PTPRD: variants seen among roughly 807,000 people sequenced by gnomAD.
PTPRD encodes protein tyrosine phosphatase receptor type D.
Under a neutral mutation model 214.5 loss-of-function variants are expected in PTPRD, and 34 were observed. That is an observed-to-expected ratio of 0.16 (90% confidence interval 0.12 to 0.21). The LOEUF (loss-of-function observed/expected upper bound fraction) is 0.21. PTPRD is among the 10% of genes least tolerant of loss of function. The pLI is 1.00. For synonymous variants in PTPRD, 1,128 were observed against 845.7 expected (o/e 1.33, Z -5.79); for missense variants, 2,545 against 2,398.7 (o/e 1.06, Z -1.27).
chr9:8,527,961 C>G lies in PTPRD; in HGVS notation c.542-608G>C, dbSNP rs146599642. On this transcript the variant is annotated intron_variant, in intron 15 of 45. Transcript: ENST00000381196. ...TTATTATCATAGTATTAATAAAAAT[C>G]CCCTCCTTTTACTGGTATTTTCTAA... Among the ~76,000 whole-genome samples the G allele has an allele frequency of 3.3e-3, 504 of 152,166 alleles. 3 individuals carry two copies. Among genetic ancestry groups the G allele is most frequent in the Middle Eastern group, 0.017 (5 of 294 alleles).
At chr9:9,270,582 A>G (rs1168726724) in intron 9 of PTPRD, among the ~76,000 whole-genome samples, 2 of 151,318 alleles carry the variant, frequency 1.3e-5, no homozygotes, top group Non-Finnish European at 3.0e-5. Flanking sequence ...GTTAGGAAAG[A>G]TCAGGTCAGG....
chr9:9,525,083 T>C (rs1393901493), intron 8 of PTPRD, among the ~76,000 whole-genome samples: 1 of 152,164 alleles, frequency 6.6e-6, no homozygotes, highest in Admixed American at 6.5e-5. Context: ...GGTCTCGATC[T>C]CTTGACCTCA....
chr9:10,012,326 G>GA (rs963362235), intron 4 of PTPRD, among the ~76,000 whole-genome samples: 1 of 150,810 alleles, frequency 6.6e-6, no homozygotes, highest in South Asian at 2.1e-4. Context: ...CAGACAAGAA[G>GA]AAAAAAAATT....
chr9:8,575,069 GA>G (rs1300041084), intron 14 of PTPRD, among the ~76,000 whole-genome samples: 1 of 152,036 alleles, frequency 6.6e-6, no homozygotes, highest in African/African-American at 2.4e-5. Flanking sequence ...AGGGTTTACA[GA>G]ACTGTCCTCG....
At chr9:9,664,037 T>G (rs1247167668) in intron 7 of PTPRD, among the ~76,000 whole-genome samples, 3 of 150,350 alleles carry the variant, frequency 2.0e-5, no homozygotes, top group Non-Finnish European at 4.5e-5. Flanking sequence ...TACATTAGGT[T>G]TTAAATAGAC....
intron 2 of PTPRD, among the ~76,000 whole-genome samples, chr9:10,546,331 G>A (rs2060167097): frequency 6.6e-6 from 1 of 151,896 alleles, no homozygotes; most frequent in African/African-American, 2.4e-5. Flanking sequence ...CTCCATGAAG[G>A]AACCAGTAGT....
At chr9:9,313,326 G>C (rs866689835) in intron 9 of PTPRD, among the ~76,000 whole-genome samples, 8 of 152,132 alleles carry the variant, frequency 5.3e-5, no homozygotes, top group Non-Finnish European at 8.8e-5. Context: ...AGAGTTAGAG[G>C]AGAGTAAGTT....
intron 14 of PTPRD, among the ~76,000 whole-genome samples, chr9:8,618,992 T>C (rs192537417): frequency 2.2e-4 from 31 of 138,430 alleles, no homozygotes; most frequent in Non-Finnish European, 4.3e-4. Flanking sequence ...ACTCGTGACC[T>C]CAAGTGATCT....
chr9:9,983,253 T>G (rs1264050411), intron 4 of PTPRD, among the ~76,000 whole-genome samples: 1 of 152,188 alleles, frequency 6.6e-6, no homozygotes, highest in African/African-American at 2.4e-5. Context: ...ATGGTGGCAG[T>G]AGCAGCCTCC....
intron 34 of PTPRD, among the ~76,000 whole-genome samples, chr9:8,438,494 A>G (rs1023921763): frequency 6.6e-6 from 1 of 152,188 alleles, no homozygotes; most frequent in African/African-American, 2.4e-5. Flanking sequence ...GATAGAACTG[A>G]AATAATTTAC....
chr9:9,493,518 G>A (rs1260473643), intron 8 of PTPRD, among the ~76,000 whole-genome samples: 2 of 152,036 alleles, frequency 1.3e-5, no homozygotes, highest in South Asian at 4.1e-4. Context: ...TCCGGGTAGG[G>A]TGGCTCATGC....
intron 10 of PTPRD, among the ~76,000 whole-genome samples, chr9:9,027,809 C>T (rs563719295): frequency 6.6e-6 from 1 of 152,016 alleles, no homozygotes; most frequent in South Asian, 2.1e-4. Flanking sequence ...TCTGCTTTGT[C>T]AAACTTATCC....
chr9:9,027,948 A>C (rs1224295261), intron 10 of PTPRD, among the ~76,000 whole-genome samples: 1 of 151,912 alleles, frequency 6.6e-6, no homozygotes, highest in Non-Finnish European at 1.5e-5. Context: ...AGCCACATTT[A>C]GTTTTTTTAG....
At position 8,900,048 on chromosome 9, in the gene PTPRD, T is replaced by C. The variant is rs182064525; in HGVS notation, c.-104+118649A>G. The stretch of plus-strand genomic sequence containing the variant: ...CTAAAATCTTTGGTCAGTGTAGATG[T>C]GTATCAAAACTGCATTGTCAAGCTG... On this transcript the variant is annotated intron_variant, in intron 11 of 45. Transcript: ENST00000381196. Among the ~76,000 whole-genome samples the C allele has an allele frequency of 1.5e-3, 234 of 152,298 alleles. 1 individual carries two copies. The highest frequency in any genetic ancestry group is 5.3e-3 in the African/African-American group (221 of 41,574).
chr9:9,685,222 A>C (rs1340610294), intron 7 of PTPRD, among the ~76,000 whole-genome samples: 3 of 150,628 alleles, frequency 2.0e-5, no homozygotes, highest in Non-Finnish European at 4.5e-5. Flanking sequence ...ACAATCATTA[A>C]ATGTGTGGTT....
At chr9:9,873,695 T>C (rs989812254) in intron 5 of PTPRD, among the ~76,000 whole-genome samples, 1 of 152,202 alleles carries the variant, frequency 6.6e-6, no homozygotes, top group African/African-American at 2.4e-5. Context: ...ATTATGTAAA[T>C]GCTCCAAACT....
At chr9:8,660,997 G>A (rs1206251504) in intron 12 of PTPRD, among the ~76,000 whole-genome samples, 1 of 151,938 alleles carries the variant, frequency 6.6e-6, no homozygotes, top group African/African-American at 2.4e-5. Context: ...CACTCACTCT[G>A]GCTATGAAAG....
intron 7 of PTPRD, among the ~76,000 whole-genome samples, chr9:9,615,405 C>T (rs969523101): frequency 7.2e-5 from 11 of 152,260 alleles, no homozygotes; most frequent in East Asian, 3.9e-4. Flanking sequence ...AGCTCCAGCC[C>T]GGCCAAACCA....
chr9:9,312,516 T>C (rs1959422663), intron 9 of PTPRD, among the ~76,000 whole-genome samples: 1 of 152,170 alleles, frequency 6.6e-6, no homozygotes, highest in Non-Finnish European at 1.5e-5. Context: ...TCCCCATGTC[T>C]GCGTGGGTTT....
Sources: allele counts gnomAD v4.1 joint callset (sites outside exome capture counted in the v4.1 genomes callset), GRCh38; gene constraint gnomAD v4.1.1; transcripts MANE v1.5; gene names NCBI Gene and HGNC (gene_info 2026-07-23, HGNC 2026-07-21).